REEP3: variants seen among roughly 807,000 people sequenced by gnomAD.
REEP3 encodes receptor expression-enhancing protein 3.
Under a neutral mutation model 41.3 loss-of-function variants are expected in REEP3, and 20 were observed. The observed-to-expected ratio is 0.48, with a 90% CI of 0.34 to 0.70. The LOEUF (loss-of-function observed/expected upper bound fraction) is 0.70. REEP3 is among the 30% of genes least tolerant of loss of function. REEP3 has a pLI of 0.01. For synonymous variants in REEP3, 104 were observed against 101.8 expected (o/e 1.02, Z -0.13); for missense variants, 271 against 308.8 (o/e 0.88, Z 0.92).
At position 63,621,698 on chromosome 10, in the gene REEP3, T is replaced by C. The variant is rs1956354767; in HGVS notation, c.*829T>C. On this transcript the variant is annotated 3_prime_UTR_variant, in exon 8 of 8. Transcript: ENST00000373758. ...TTGCTTTAAACATTAACCAATTTTC[T>C]ATATTTAGCTATACAGAGTAATTGA... 1 of 152,588 alleles carries C rather than the reference T, an allele frequency of 6.6e-6. No homozygotes were observed. The highest frequency in any genetic ancestry group is 1.5e-5 in the Non-Finnish European group (1 of 68,030). 9.5% of individuals were successfully genotyped at this position (152,588 alleles called of 1,614,324 possible).
intron 1 of REEP3, among the ~76,000 whole-genome samples, chr10:63,549,879 C>T (rs191813240): frequency 6.6e-6 from 1 of 152,226 alleles, no homozygotes; most frequent in Admixed American, 6.5e-5. Context: ...AGTTGAAATA[C>T]AAGAGGCATA....
At chr10:63,537,589 G>T (rs1360912601) in intron 1 of REEP3, among the ~76,000 whole-genome samples, 2 of 152,110 alleles carry the variant, frequency 1.3e-5, no homozygotes. Flanking sequence ...TTTAACACTT[G>T]CAGTGAGTCA....
chr10:63,536,179 G>A (rs1955472324), intron 1 of REEP3, among the ~76,000 whole-genome samples: 1 of 152,210 alleles, frequency 6.6e-6, no homozygotes, highest in South Asian at 2.1e-4. Context: ...CAGCTGCCAA[G>A]TAGCAAAGCT....
intron 1 of REEP3, among the ~76,000 whole-genome samples, chr10:63,532,032 C>T (rs1254545716): frequency 6.6e-6 from 1 of 152,128 alleles, no homozygotes; most frequent in East Asian, 1.9e-4. Context: ...ACGTATTCTG[C>T]ACATCAGGTG....
chr10:63,599,271 T>A lies in REEP3; in HGVS notation c.405T>A (p.Thr135=). 2.3e-5 allele frequency: 33 copies of A among 1,466,536 alleles called. No homozygotes were observed. Among genetic ancestry groups the A allele is most frequent in the Non-Finnish European group, 3.0e-5 (32 of 1,078,790 alleles). The allele number at this position is 1,466,536 out of a possible 1,614,324, so 90.8% of individuals were successfully genotyped here. Residue 135 remains threonine (T), a synonymous_variant, in exon 5 of 8, where the codon ACT becomes ACA. Transcript: ENST00000373758. ...ACCTTGCAGCTACTGCTGCTGTTAC[T>A]GCAGCAGTAAAGGTAATTGTTCATT... ...GLNLAATAAV[T]AAVKSQGAIT...
At chr10:63,594,990 G>A in intron 3 of REEP3, 136 bp downstream of exon 3, 1 of 661,078 alleles carries the variant, frequency 1.5e-6, no homozygotes, top group Non-Finnish European at 2.7e-6. Context: ...TTTGTCATCT[G>A]CTTTCCCATA....
intron 3 of REEP3, among the ~76,000 whole-genome samples, chr10:63,595,951 G>T (rs939687880): frequency 6.6e-6 from 1 of 152,158 alleles, no homozygotes; most frequent in Non-Finnish European, 1.5e-5. Context: ...GCTCACATAG[G>T]TATCAGCTTG....
intron 2 of REEP3, among the ~76,000 whole-genome samples, chr10:63,584,659 A>G (rs901145656): frequency 3.3e-5 from 5 of 152,102 alleles, no homozygotes; most frequent in African/African-American, 9.7e-5. Context: ...ATTATGAAGT[A>G]ACCAAATTAT....
intron 2 of REEP3, among the ~76,000 whole-genome samples, chr10:63,590,669 G>A (rs1174706434): frequency 6.6e-6 from 1 of 152,178 alleles, no homozygotes; most frequent in Non-Finnish European, 1.5e-5. Context: ...TTGAAATTGT[G>A]CACCACTGGG....
At chr10:63,539,059 A>G (rs2133348684) in intron 1 of REEP3, among the ~76,000 whole-genome samples, 1 of 152,320 alleles carries the variant, frequency 6.6e-6, no homozygotes, top group Middle Eastern at 3.4e-3. Context: ...TAAATTTACT[A>G]GATTTCACTT....
chr10:63,561,215 T>C (rs1955736485), intron 1 of REEP3, among the ~76,000 whole-genome samples: 2 of 152,220 alleles, frequency 1.3e-5, no homozygotes, highest in Admixed American at 1.3e-4. Context: ...TGGAAGCCAG[T>C]TACATACATT....
intron 1 of REEP3, among the ~76,000 whole-genome samples, chr10:63,562,255 GTT>G (rs562176985): frequency 2.1e-4 from 29 of 135,990 alleles, no homozygotes; most frequent in African/African-American, 1.6e-4. Flanking sequence ...ATAAGGCAGA[GTT>G]TTTTTTTTTT....
At chr10:63,574,722 A>G (rs1955882603) in intron 2 of REEP3, among the ~76,000 whole-genome samples, 1 of 151,556 alleles carries the variant, frequency 6.6e-6, no homozygotes. Flanking sequence ...AAACTTTCCT[A>G]GAGTTGTGTG....
At chr10:63,602,119 A>G (rs1048580335) in intron 5 of REEP3, among the ~76,000 whole-genome samples, 1 of 152,112 alleles carries the variant, frequency 6.6e-6, no homozygotes, top group Non-Finnish European at 1.5e-5. Context: ...AAAAGGAAAA[A>G]AAAAGGCATA....
At position 63,620,810 on chromosome 10, in the gene REEP3, C is replaced by A; in HGVS notation, c.712-3C>A. On this transcript the variant is annotated splice_region_variant and splice_polypyrimidine_tract_variant and intron_variant, in intron 7 of 7. Coordinates refer to ENST00000373758, the MANE Select transcript of REEP3 (RefSeq NM_001001330.3). ...CTTAATAATAAAACATTTCTCTCTT[C>A]AGGTGCGGTACGGGTCACTAAAATA... The A allele has an allele frequency of 6.3e-7, 1 of 1,592,160 alleles. No homozygotes were observed. The highest frequency in any genetic ancestry group is 8.6e-7 in the Non-Finnish European group (1 of 1,164,908).
intron 5 of REEP3, among the ~76,000 whole-genome samples, chr10:63,603,608 C>A (rs780974619): frequency 1.3e-5 from 2 of 152,088 alleles, no homozygotes; most frequent in Non-Finnish European, 2.9e-5. Context: ...AAGCCCATAT[C>A]CCCTAAATGA....
chr10:63,605,630 G>A (rs1956217897), intron 5 of REEP3, among the ~76,000 whole-genome samples: 2 of 152,196 alleles, frequency 1.3e-5, no homozygotes, highest in African/African-American at 2.4e-5. Flanking sequence ...AATAACTAAT[G>A]TTAATGTAGT....
At chr10:63,525,497 C>T (rs533564365) in intron 1 of REEP3, among the ~76,000 whole-genome samples, 1 of 152,052 alleles carries the variant, frequency 6.6e-6, no homozygotes, top group East Asian at 1.9e-4. Context: ...TGGCTTACTG[C>T]AATTTCCGCC....
intron 6 of REEP3, among the ~76,000 whole-genome samples, chr10:63,610,945 G>A (rs983929302): frequency 2.0e-5 from 3 of 152,166 alleles, no homozygotes; most frequent in Non-Finnish European, 4.4e-5. Flanking sequence ...GGTGGCACAC[G>A]CCTGTAATCT....
Sources: gnomAD v4.1 joint callset for allele counts (sites outside exome capture counted in the v4.1 genomes callset) on GRCh38, gnomAD v4.1.1 for gene constraint, MANE v1.5 for transcripts, NCBI Gene and HGNC (gene_info 2026-07-23, HGNC 2026-07-21) for gene names.